The following ZNF721 variants were observed in gnomAD, a reference collection of about 807,000 sequenced individuals.
The protein encoded by ZNF721 is zinc finger protein 721.
A neutral mutation model predicts 2.4 loss-of-function variants in ZNF721; 2 were observed. That is an observed-to-expected ratio of 0.82 (90% CI 0.34 to 2.58). The LOEUF is 2.58. Among genes scored for constraint, ZNF721 ranks in the 30% most tolerant of loss-of-function variants. The pLI is 0.11. For synonymous variants in ZNF721, 398 were observed against 381.8 expected, an observed-to-expected ratio of 1.04 and a Z score of -0.50; for missense variants, 1,187 against 1,085.5, an observed-to-expected ratio of 1.09 and a Z score of -1.31.
intron 1 of ZNF721, among the ~76,000 whole-genome samples, chr4:489,670 C>G (rs1406437878): frequency 6.6e-6 from 1 of 152,170 alleles, no homozygotes. Flanking sequence ...GAGGTCAGAG[C>G]CCTCATGGCT....
intron 1 of ZNF721, among the ~76,000 whole-genome samples, chr4:488,325 G>A (rs562544968): frequency 3.9e-5 from 6 of 152,268 alleles, no homozygotes; most frequent in Admixed American, 6.5e-5. Context: ...GTATGTGATT[G>A]GTGCTTAAAC....
At chr4:448,148 A>C (rs1188519319) in intron 2 of ZNF721, among the ~76,000 whole-genome samples, 1 of 152,196 alleles carries the variant, frequency 6.6e-6, no homozygotes, top group African/African-American at 2.4e-5. Flanking sequence ...GATAAACTAC[A>C]TATTAGGGCA....
chr4:487,826 C>T (rs1409044708), intron 1 of ZNF721, among the ~76,000 whole-genome samples: 26 of 152,262 alleles, frequency 1.7e-4, no homozygotes, highest in African/African-American at 5.1e-4. Context: ...AGCCAGTTAA[C>T]GTGAACTTCC....
chr4:485,937 T>C (rs1424751721), intron 1 of ZNF721, among the ~76,000 whole-genome samples: 1 of 152,036 alleles, frequency 6.6e-6, no homozygotes, highest in Non-Finnish European at 1.5e-5. Flanking sequence ...ATTGTGCCAC[T>C]GCACTCCAGC....
Position 441,953 on chromosome 4 carries a change from T to G in ZNF721, c.2514A>C (p.Thr838=). Residue 838 remains threonine (T), a synonymous_variant, in exon 3 of 3, where the codon ACA becomes ACC. Transcript: ENST00000511833. ...RRIHTGEKPY[T]CEECGKAFRQ... Reference sequence around the variant, plus strand: ...TAAAGGCTTTGCCACATTCTTCACATGTGTAGGGTTTCTCTCCAGTATGAA... The same window carrying G: ...TAAAGGCTTTGCCACATTCTTCACAGGTGTAGGGTTTCTCTCCAGTATGAA... 1 of 1,613,872 alleles carries G rather than the reference T, an allele frequency of 6.2e-7. No individual in the cohort carries two copies. The highest frequency in any genetic ancestry group is 8.5e-7 in the Non-Finnish European group (1 of 1,179,876).
chr4:488,993 A>C (rs1212979109), intron 1 of ZNF721, among the ~76,000 whole-genome samples: 2 of 152,144 alleles, frequency 1.3e-5, no homozygotes, highest in African/African-American at 4.8e-5. Flanking sequence ...AAGAAATGTG[A>C]TTAAGAACTT....
intron 2 of ZNF721, among the ~76,000 whole-genome samples, chr4:458,903 G>C (rs1193631738): frequency 1.3e-5 from 2 of 152,072 alleles, no homozygotes; most frequent in South Asian, 2.1e-4. Context: ...GGCAGCCAGA[G>C]AGAAAGGTCA....
intron 1 of ZNF721, among the ~76,000 whole-genome samples, chr4:490,831 G>A (rs1716002215): frequency 6.6e-6 from 1 of 152,160 alleles, no homozygotes; most frequent in African/African-American, 2.4e-5. Context: ...GCTCATGCCT[G>A]TAATCCCAGC....
intron 1 of ZNF721, among the ~76,000 whole-genome samples, chr4:477,669 A>T (rs1169158713): frequency 6.6e-6 from 1 of 152,110 alleles, no homozygotes; most frequent in Non-Finnish European, 1.5e-5. Context: ...AAATGAGCAG[A>T]AAAAAGAGCC....
chr4:462,054 G>T (rs1553866163), intron 2 of ZNF721, among the ~76,000 whole-genome samples: 1 of 152,124 alleles, frequency 6.6e-6, no homozygotes, highest in Non-Finnish European at 1.5e-5. Context: ...TGCAACTTCA[G>T]CAGTCTCAGG....
Position 496,964 on chromosome 4 carries a change from G to A in ZNF721, c.-94+2092C>T, listed in dbSNP as rs572526776. 3.2e-3 allele frequency among the ~76,000 whole-genome samples: 480 copies of A among 151,146 alleles called. 1 individual carries two copies. The highest frequency in any genetic ancestry group is 0.011 in the African/African-American group (461 of 41,214). On this transcript the variant is annotated intron_variant, in intron 1 of 2. Coordinates refer to ENST00000511833, the MANE Select transcript of ZNF721 (RefSeq NM_133474.4). ...CCTGACCTCGTGATCCGCCCACCTC[G>A]GCCTCCCAAAGTGCTGGGATTACAG...
Position 442,715 on chromosome 4 carries a change from A to G in ZNF721, c.1752T>C (p.Pro584=), listed in dbSNP as rs1553863439. The change falls in exon 3 of 3, where the codon CCT becomes CCC. Residue 584 remains proline, a synonymous_variant. Transcript: ENST00000511833. Reference sequence around the variant, plus strand: ...CTTTGCCACACTCTTCACATTTGTAAGGTTTCTCTCCAGTATGAATTCTCC... The same window carrying G: ...CTTTGCCACACTCTTCACATTTGTAGGGTTTCTCTCCAGTATGAATTCTCC... ...VHRRIHTGEK[P]YKCEECGKAF... 2 of 1,613,592 alleles carry G rather than the reference A, an allele frequency of 1.2e-6. No homozygotes were observed. Among genetic ancestry groups the G allele is most frequent in the Non-Finnish European group, 1.7e-6 (2 of 1,179,832 alleles).
chr4:481,384 T>C (rs1332695877), intron 1 of ZNF721, among the ~76,000 whole-genome samples: 2 of 152,190 alleles, frequency 1.3e-5, no homozygotes, highest in Non-Finnish European at 2.9e-5. Flanking sequence ...GGGTAAGAGG[T>C]AAGAGCTCAC....
rs1560224973 is a variant in ZNF721 at position 443,892 on chromosome 4, G to A, written c.575C>T (p.Ala192Val). The change falls in exon 3 of 3, where the codon GCT (alanine) becomes GTT (valine). Residue 192 changes from alanine (A) to valine (V), a missense_variant. Physicochemically the swap from Ala to Val is moderately conservative, Grantham distance 64. Coordinates refer to ENST00000511833, the MANE Select transcript of ZNF721 (RefSeq NM_133474.4). ...TCTGTCACGATCTTCACCTGTGTAA[G>A]CTTTCTCTCTGTTGTGAATTCTCTT... is the stretch of plus-strand genomic sequence containing the variant. ...AHKRIHNREKAYTGEDRDRAF... is the reference protein window; with the variant it reads ...AHKRIHNREKVYTGEDRDRAF... 6.2e-7 allele frequency: 1 copy of A among 1,614,018 alleles called. No individual in the cohort carries two copies. Among genetic ancestry groups the A allele is most frequent in the Admixed American group, 1.7e-5 (1 of 60,010 alleles).
At chr4:482,206 C>T (rs1225521870) in intron 1 of ZNF721, among the ~76,000 whole-genome samples, 1 of 152,172 alleles carries the variant, frequency 6.6e-6, no homozygotes, top group Non-Finnish European at 1.5e-5. Flanking sequence ...TCTTGCTGCC[C>T]TGGCTGGAGT....
At chr4:468,308 T>TG in intron 2 of ZNF721, among the ~76,000 whole-genome samples, 1 of 151,610 alleles carries the variant, frequency 6.6e-6, no homozygotes, top group East Asian at 1.9e-4. Context: ...GAAGCGCCTG[T>TG]ACTCCCAGCT....
chr4:482,710 T>G (rs1420834462), intron 1 of ZNF721, among the ~76,000 whole-genome samples: 12 of 150,888 alleles, frequency 8.0e-5, no homozygotes, highest in Non-Finnish European at 1.5e-4. Flanking sequence ...TTGGCCAGGC[T>G]GGTCTCGATC....
intron 1 of ZNF721, among the ~76,000 whole-genome samples, chr4:495,854 G>A (rs535476391): frequency 2.6e-5 from 4 of 152,064 alleles, no homozygotes; most frequent in African/African-American, 7.2e-5. Context: ...TGCCCACCTC[G>A]GCCTCCCAAA....
At chr4:494,816 C>T (rs532369188) in intron 1 of ZNF721, among the ~76,000 whole-genome samples, 1 of 152,064 alleles carries the variant, frequency 6.6e-6, no homozygotes, top group African/African-American at 2.4e-5. Context: ...AGGGAAAGCC[C>T]ACACTGAGTC....
Sources: gnomAD v4.1 joint callset for allele counts (sites outside exome capture counted in the v4.1 genomes callset) on GRCh38, gnomAD v4.1.1 for gene constraint, MANE v1.5 for transcripts, NCBI Gene and HGNC (gene_info 2026-07-23, HGNC 2026-07-21) for gene names.